The following ARHGAP11B variants were observed in gnomAD, a reference collection of about 807,000 sequenced individuals.
ARHGAP11B encodes Rho GTPase activating protein 11B, also known as inactive Rho GTPase-activating protein 11B.
ARHGAP11B carries 14 observed loss-of-function variants against 27.6 expected under a neutral mutation model. That is an observed-to-expected ratio of 0.51 (90% CI 0.34 to 0.79). ARHGAP11B has a LOEUF of 0.79. Ranked by LOEUF, ARHGAP11B falls within the 30% of genes least tolerant of loss-of-function variation. ARHGAP11B has a pLI of 0.02. For missense variants in ARHGAP11B, 245 were observed against 320.1 expected (o/e 0.77, Z 1.79); for synonymous variants, 82 against 114.1 (o/e 0.72, Z 1.80).
chr15:30,635,415 A>T lies in ARHGAP11B; in HGVS notation c.661-72A>T. On this transcript the variant is annotated intron_variant, in intron 5 of 10. Coordinates refer to ENST00000428041, the Ensembl canonical transcript of ARHGAP11B. ...AAAAAAGAAAAGAAATTGGTATATT[A>T]GTATCTAAACATTTTTGGGGAAGAG... The T allele has an allele frequency of 2.6e-6, 4 of 1,536,718 alleles. No individual in the cohort carries two copies. The South Asian group carries it at 3.8e-5, about 15-fold the overall frequency.
At chr15:30,630,090 A>T (rs2060234820) in intron 1 of ARHGAP11B, among the ~76,000 whole-genome samples, 1 of 152,172 alleles carries the variant, frequency 6.6e-6, no homozygotes, top group Non-Finnish European at 1.5e-5. Flanking sequence ...CCAGCTAGTT[A>T]AATGAAGTTT....
chr15:30,633,578 G>A, exon 3 of ARHGAP11B: 2 of 1,611,136 alleles, frequency 1.2e-6, no homozygotes, highest in Non-Finnish European at 1.7e-6. Context: ...TCGCCTAAAA[G>A]CACTAAAGGT....
chr15:30,632,574 C>T lies in ARHGAP11B; in HGVS notation c.201-916C>T, dbSNP rs1400408962. On this transcript the variant is annotated intron_variant, in intron 2 of 10. Coordinates refer to ENST00000428041, the Ensembl canonical transcript of ARHGAP11B. ...AGTTACCTTCTGTAAATAAGGCTGA[C>T]ATTCAGCCACTGTGCACCAATACAG... 2.6e-5 allele frequency among the ~76,000 whole-genome samples: 4 copies of T among 151,608 alleles called. No homozygotes were observed. The East Asian group carries it at 7.9e-4, about 30-fold the overall frequency.
At chr15:30,638,493 A>G (rs2060295385) in intron 6 of ARHGAP11B, among the ~76,000 whole-genome samples, 1 of 151,576 alleles carries the variant, frequency 6.6e-6, no homozygotes, top group African/African-American at 2.4e-5. Context: ...ACTGTACATT[A>G]TATGTATTTG....
At position 30,630,775 on chromosome 15, in the gene ARHGAP11B, T is replaced by C. The variant is rs753976898; in HGVS notation, c.200+2T>C. 6 of 1,607,298 alleles carry C rather than the reference T, an allele frequency of 3.7e-6. No individual in the cohort carries two copies. The Admixed American group carries it at 8.6e-5, about 23-fold the overall frequency. The stretch of plus-strand genomic sequence containing the variant: ...ACCAGAATATGGACACATTCCAAGG[T>C]AAGCAGAGTTTGAAATGAAGAAGGC... On this transcript the variant is annotated splice_donor_variant, in intron 2 of 10. Coordinates refer to ENST00000428041, the Ensembl canonical transcript of ARHGAP11B. LOFTEE classifies it high-confidence loss of function.
chr15:30,635,538 A>G (rs2060274520), exon 6 of ARHGAP11B: 2 of 1,613,274 alleles, frequency 1.2e-6, no homozygotes, highest in African/African-American at 2.7e-5. Context: ...TTGGGTATTG[A>G]TGGTCTCTGT....
At chr15:30,638,836 A>G in intron 7 of ARHGAP11B, 26 bp downstream of exon 7, 2 of 1,304,274 alleles carry the variant, frequency 1.5e-6, no homozygotes, top group East Asian at 5.2e-5. Context: ...TATTTATTAT[A>G]TGCATTTATT....
At chr15:30,639,971 A>AGTGTGTGT (rs71103435) in intron 7 of ARHGAP11B, among the ~76,000 whole-genome samples, 3,077 of 143,260 alleles carry the variant, frequency 0.021, 52 homozygotes, top group African/African-American at 0.044. Flanking sequence ...TTCAATATAG[A>AGTGTGTGT]GTGTGTGTGT....
chr15:30,626,491 C>T (rs1367328140), exon 1 of ARHGAP11B: 6 of 343,740 alleles, frequency 1.7e-5, no homozygotes, highest in Admixed American at 4.4e-5. Context: ...GAGAATCTGG[C>T]AATAGGCGAG....
At chr15:30,644,307 G>A (rs1306150352) in intron 7 of ARHGAP11B, among the ~76,000 whole-genome samples, 1 of 152,006 alleles carries the variant, frequency 6.6e-6, no homozygotes, top group Non-Finnish European at 1.5e-5. Context: ...TTGGCATAGA[G>A]CCTTACCTTG....
chr15:30,629,403 A>G (rs2060230123), intron 1 of ARHGAP11B, among the ~76,000 whole-genome samples: 1 of 151,948 alleles, frequency 6.6e-6, no homozygotes, highest in African/African-American at 2.4e-5. Flanking sequence ...AATACAAAAA[A>G]ATTAGCTGGG....
At chr15:30,626,867 G>C in exon 1 of ARHGAP11B, 2 of 1,613,680 alleles carry the variant, frequency 1.2e-6, no homozygotes, top group South Asian at 1.1e-5. Flanking sequence ...CAGCATCTGC[G>C]GGCCTTCTAT....
rs879188836 is a variant in ARHGAP11B at position 30,645,010 on chromosome 15, C to T, written c.*142+308C>T. Among the ~76,000 whole-genome samples, 5 of 151,768 alleles carry T rather than the reference C, an allele frequency of 3.3e-5. 1 individual carries two copies. The South Asian group carries it at 1.0e-3, about 31-fold the overall frequency. ...TCCGTTCATAGAGCTGGTTGAATTTCCACCATTTATGGCAGGTGTAGGTGC... is the reference window on the plus strand; with the variant it reads ...TCCGTTCATAGAGCTGGTTGAATTTTCACCATTTATGGCAGGTGTAGGTGC... On this transcript the variant is annotated intron_variant, in intron 8 of 10. Coordinates refer to ENST00000428041, the Ensembl canonical transcript of ARHGAP11B.
At chr15:30,628,079 CT>C (rs371979874) in intron 1 of ARHGAP11B, among the ~76,000 whole-genome samples, 105 of 140,970 alleles carry the variant, frequency 7.4e-4, no homozygotes, top group Middle Eastern at 3.6e-3. Flanking sequence ...TTTTCTTTTC[CT>C]TTTTTTTTTT....
At chr15:30,645,131 G>A (rs2060339067) in intron 8 of ARHGAP11B, among the ~76,000 whole-genome samples, 1 of 151,974 alleles carries the variant, frequency 6.6e-6, no homozygotes, top group Non-Finnish European at 1.5e-5. Context: ...TGGAGATGGT[G>A]TGGGAGTGGA....
chr15:30,638,321 T>TTTA (rs1286765194), intron 6 of ARHGAP11B, among the ~76,000 whole-genome samples: 1 of 151,982 alleles, frequency 6.6e-6, no homozygotes, highest in Non-Finnish European at 1.5e-5. Flanking sequence ...TCCAGACACT[T>TTTA]TTATTCATTT....
chr15:30,643,280 C>CT (rs796664136), intron 7 of ARHGAP11B, among the ~76,000 whole-genome samples: 7,324 of 133,842 alleles, frequency 0.055, 411 homozygotes, highest in African/African-American at 0.14. Flanking sequence ...TGACAGTTTT[C>CT]TTTTTTTTTT....
chr15:30,627,666 T>TA (rs1321005545), intron 1 of ARHGAP11B, among the ~76,000 whole-genome samples: 3 of 152,014 alleles, frequency 2.0e-5, no homozygotes, highest in African/African-American at 7.2e-5. Context: ...AATGAGATTT[T>TA]AATAGCTCTG....
chr15:30,637,602 C>T (rs1037079493), intron 6 of ARHGAP11B, among the ~76,000 whole-genome samples: 7 of 151,788 alleles, frequency 4.6e-5, no homozygotes, highest in African/African-American at 1.2e-4. Context: ...GGCGTGGTGG[C>T]GGGCGCCTGT....
Sources: allele counts gnomAD v4.1 joint callset (sites outside exome capture counted in the v4.1 genomes callset), GRCh38; gene constraint gnomAD v4.1.1; transcripts MANE v1.5; gene names NCBI Gene and HGNC (gene_info 2026-07-23, HGNC 2026-07-21).